RASA1: variants seen among roughly 807,000 people sequenced by gnomAD.
RASA1 encodes ras GTPase-activating protein 1.
A neutral mutation model predicts 132.2 loss-of-function variants in RASA1; 25 were observed. The observed-to-expected ratio is 0.19, with a 90% CI of 0.14 to 0.26. The LOEUF (loss-of-function observed/expected upper bound fraction) is 0.26. Among genes scored for constraint, RASA1 ranks in the 10% least tolerant of loss-of-function variants. The pLI is 1.00. For synonymous variants in RASA1, 477 were observed against 449.9 expected, an observed-to-expected ratio of 1.06 and a Z score of -0.76; for missense variants, 964 against 1,299.2, an observed-to-expected ratio of 0.74 and a Z score of 3.97.
intron 1 of RASA1, among the ~76,000 whole-genome samples, chr5:87,313,878 C>A (rs1293578974): frequency 1.3e-5 from 2 of 152,038 alleles, no homozygotes; most frequent in African/African-American, 4.8e-5. Context: ...TCTGAAAATG[C>A]ATGTTTGGGC....
chr5:87,299,485 A>G lies in RASA1; in HGVS notation c.539+30495A>G, dbSNP rs544286882. On this transcript the variant is annotated intron_variant, in intron 1 of 24. Transcript: ENST00000274376. ...ATGTTTTATAGTTACCAAAAAGGCT[A>G]TAATAAAGTACTTACATATAAGGTT... 2.0e-5 allele frequency among the ~76,000 whole-genome samples: 3 copies of G among 152,314 alleles called. No individual in the cohort carries two copies. The South Asian group carries it at 6.2e-4, about 32-fold the overall frequency.
chr5:87,295,014 C>G (rs1318351982), intron 1 of RASA1, among the ~76,000 whole-genome samples: 2 of 151,790 alleles, frequency 1.3e-5, no homozygotes, highest in African/African-American at 4.8e-5. Context: ...TTTATTTTTA[C>G]TCTTCATTGT....
At chr5:87,371,146 T>C (rs1037079968) in intron 12 of RASA1, among the ~76,000 whole-genome samples, 4 of 152,148 alleles carry the variant, frequency 2.6e-5, no homozygotes, top group African/African-American at 9.7e-5. Context: ...CATAATGACA[T>C]TTCAGCATGT....
At chr5:87,302,579 C>A (rs1755413805) in intron 1 of RASA1, among the ~76,000 whole-genome samples, 1 of 149,824 alleles carries the variant, frequency 6.7e-6, no homozygotes, top group Non-Finnish European at 1.5e-5. Context: ...GCATAGTATT[C>A]TATATACTAT....
rs1045207540 is a variant in RASA1 at position 87,268,321 on chromosome 5, T to C, written c.-131T>C. ...GGGGCGCGGCGGCGGGCTCTCTCCT[T>C]TTGTTGTTGTTTCCTCAGCCTGGGG... On this transcript the variant is annotated 5_prime_UTR_variant, in exon 1 of 25. Transcript: ENST00000274376. 2 of 857,778 alleles carry C rather than the reference T, an allele frequency of 2.3e-6. No homozygotes were observed. Among genetic ancestry groups the C allele is most frequent in the South Asian group, 2.0e-5 (1 of 49,056 alleles). The allele number at this position is 857,778 out of a possible 1,614,324, so 53.1% of individuals were successfully genotyped here.
intron 18 of RASA1, 93 bp downstream of exon 18, chr5:87,378,631 T>C (rs1761487753): frequency 7.6e-7 from 1 of 1,311,134 alleles, no homozygotes; most frequent in Non-Finnish European, 1.1e-6. Context: ...GAAAATATAT[T>C]AAATTTCTAA....
intron 1 of RASA1, among the ~76,000 whole-genome samples, chr5:87,309,890 T>C (rs1755792281): frequency 6.6e-6 from 1 of 152,148 alleles, no homozygotes; most frequent in Non-Finnish European, 1.5e-5. Flanking sequence ...TCAGTATTTG[T>C]TGAATATTTT....
In RASA1 at chr5:87,391,268, AGAAACACATTCT is replaced by A. The variant is rs1343992074; in HGVS notation, c.*386_*397del. On this transcript the variant is annotated 3_prime_UTR_variant, in exon 25 of 25. Coordinates refer to ENST00000274376, the MANE Select transcript of RASA1 (RefSeq NM_002890.3). The stretch of plus-strand genomic sequence containing the variant: ...GAAAGAACTATGAAATCAACTGACA[AGAAACACATTCT>A]TATTGACAATTGTGTATAACTGGAT... 1 of 387,056 alleles carries A rather than the reference AGAAACACATTCT, an allele frequency of 2.6e-6. No individual in the cohort carries two copies. The highest frequency in any genetic ancestry group is 2.0e-5 in the African/African-American group (1 of 50,390). The allele number at this position is 387,056 out of a possible 1,614,324, so 24.0% of individuals were successfully genotyped here. A position where few individuals can be genotyped will look rare whatever the true frequency, so the allele number is the denominator to read the frequency against.
intron 1 of RASA1, among the ~76,000 whole-genome samples, chr5:87,329,319 G>A (rs1445243405): frequency 6.6e-6 from 1 of 151,556 alleles, no homozygotes; most frequent in African/African-American, 2.4e-5. Flanking sequence ...GCATGTGTCT[G>A]CAGTCTCGGC....
At chr5:87,317,888 A>G (rs1756465630) in intron 1 of RASA1, among the ~76,000 whole-genome samples, 1 of 152,034 alleles carries the variant, frequency 6.6e-6, no homozygotes, top group Non-Finnish European at 1.5e-5. Flanking sequence ...CGCCCACCTC[A>G]GCATCCCAAA....
chr5:87,387,679 A>AC (rs1762158743), intron 23 of RASA1, among the ~76,000 whole-genome samples: 1 of 152,178 alleles, frequency 6.6e-6, no homozygotes, highest in Non-Finnish European at 1.5e-5. Context: ...AGTTAAAAAG[A>AC]CCACCACAAT....
intron 1 of RASA1, among the ~76,000 whole-genome samples, chr5:87,309,284 C>A (rs1755760260): frequency 6.6e-6 from 1 of 151,964 alleles, no homozygotes; most frequent in Admixed American, 6.6e-5. Flanking sequence ...ATGATACATA[C>A]ATAAATAGTA....
intron 1 of RASA1, among the ~76,000 whole-genome samples, chr5:87,320,046 T>C (rs1756669347): frequency 6.6e-6 from 1 of 152,156 alleles, no homozygotes; most frequent in Non-Finnish European, 1.5e-5. Flanking sequence ...TCCATACATC[T>C]CTAGGGCAGG....
intron 1 of RASA1, among the ~76,000 whole-genome samples, chr5:87,296,266 TG>T (rs2112275876): frequency 6.6e-6 from 1 of 152,322 alleles, no homozygotes; most frequent in South Asian, 2.1e-4. Flanking sequence ...CCTGTTTCCT[TG>T]CTTCTGTCCT....
At chr5:87,282,428 C>A (rs1159122563) in intron 1 of RASA1, among the ~76,000 whole-genome samples, 2 of 152,188 alleles carry the variant, frequency 1.3e-5, no homozygotes, top group Non-Finnish European at 2.9e-5. Flanking sequence ...TGATAAATCT[C>A]TTGCCACTTG....
intron 11 of RASA1, 59 bp downstream of exon 11, chr5:87,363,563 ACAAAG>A: frequency 6.5e-7 from 1 of 1,549,462 alleles, no homozygotes. Context: ...AATAGTACAA[ACAAAG>A]CAAACCAATT....
At chr5:87,318,118 G>A (rs1051602125) in intron 1 of RASA1, among the ~76,000 whole-genome samples, 2 of 152,140 alleles carry the variant, frequency 1.3e-5, no homozygotes, top group South Asian at 2.1e-4. Flanking sequence ...ATTTTGAAGC[G>A]TGCTTTCATA....
chr5:87,282,833 A>G (rs981144751), intron 1 of RASA1, among the ~76,000 whole-genome samples: 12 of 152,118 alleles, frequency 7.9e-5, no homozygotes, highest in Admixed American at 2.6e-4. Flanking sequence ...GAGCCCATTA[A>G]GTTGAAAAAA....
intron 1 of RASA1, among the ~76,000 whole-genome samples, chr5:87,303,723 GGT>G (rs1755479872): frequency 6.6e-6 from 1 of 151,160 alleles, no homozygotes; most frequent in East Asian, 1.9e-4. Flanking sequence ...TCACTTGAAA[GGT>G]ATATATATAT....
Sources: gnomAD v4.1 joint callset for allele counts (sites outside exome capture counted in the v4.1 genomes callset) on GRCh38, gnomAD v4.1.1 for gene constraint, MANE v1.5 for transcripts, NCBI Gene and HGNC (gene_info 2026-07-23, HGNC 2026-07-21) for gene names.